The following TNFAIP8 variants were observed in gnomAD, a reference collection of about 807,000 sequenced individuals.
TNFAIP8 encodes TNF alpha induced protein 8, also known as tumor necrosis factor alpha-induced protein 8.
A neutral mutation model predicts 13.3 loss-of-function variants in TNFAIP8; 7 were observed. The ratio of observed to expected loss-of-function variants is 0.52; its 90% CI spans 0.30 to 0.99. TNFAIP8 has a LOEUF of 0.99. TNFAIP8 is among the 50% of genes least tolerant of loss of function. TNFAIP8 has a pLI of 0.07. For missense variants in TNFAIP8, 258 were observed against 236.9 expected, an observed-to-expected ratio of 1.09 and a Z score of -0.58; for synonymous variants, 94 against 87.6, an observed-to-expected ratio of 1.07 and a Z score of -0.41.
chr5:119,286,244 C>T (rs1748773061), intron 1 of TNFAIP8, among the ~76,000 whole-genome samples: 1 of 152,114 alleles, frequency 6.6e-6, no homozygotes, highest in Non-Finnish European at 1.5e-5. Context: ...ACTTCCCCAG[C>T]CTTTACTATC....
chr5:119,281,239 T>C (rs1451827870), intron 1 of TNFAIP8, among the ~76,000 whole-genome samples: 1 of 141,438 alleles, frequency 7.1e-6, no homozygotes, highest in African/African-American at 2.5e-5. Flanking sequence ...CTGGAATGGT[T>C]AGTATTTATA....
chr5:119,387,772 C>A (rs1160530091), intron 1 of TNFAIP8, among the ~76,000 whole-genome samples: 1 of 152,130 alleles, frequency 6.6e-6, no homozygotes, highest in Admixed American at 6.5e-5. Context: ...GGAGGAGATA[C>A]AGAGACAGAG....
chr5:119,304,338 A>T (rs900586622), intron 1 of TNFAIP8, among the ~76,000 whole-genome samples: 15 of 152,132 alleles, frequency 9.9e-5, no homozygotes, highest in Admixed American at 9.8e-4. Context: ...CTCCTTCACC[A>T]AACATATTAA....
At chr5:119,389,412 G>T (rs201842417) in intron 1 of TNFAIP8, among the ~76,000 whole-genome samples, 1 of 56,170 alleles carries the variant, frequency 1.8e-5, no homozygotes, top group Non-Finnish European at 4.1e-5. Flanking sequence ...AGATCACACA[G>T]GGGTGAGGAT....
rs1282448607 is a variant in TNFAIP8 at position 119,396,357 on chromosome 5, TG to T, written c.*2981del. On this transcript the variant is annotated 3_prime_UTR_variant, in exon 2 of 2. Coordinates refer to ENST00000504771, the MANE Select transcript of TNFAIP8 (RefSeq NM_014350.4). ...AAAGTTTTCAACATGACTCCTACTT[TG>T]GGGGCATCTTGTGGCTCAGTTTTCT... The T allele has an allele frequency of 1.3e-5, 2 of 152,226 alleles. No homozygotes were observed. Among genetic ancestry groups the T allele is most frequent in the African/African-American group, 4.8e-5 (2 of 41,454 alleles). The allele number at this position is 152,226 out of a possible 1,614,324, so 9.4% of individuals were successfully genotyped here.
chr5:119,304,528 A>G (rs568230672), intron 1 of TNFAIP8, among the ~76,000 whole-genome samples: 20 of 152,158 alleles, frequency 1.3e-4, no homozygotes, highest in Non-Finnish European at 2.4e-4. Flanking sequence ...CCCTGATACC[A>G]TGCACACACC....
Position 119,392,939 on chromosome 5 carries a change from A to T in TNFAIP8, c.155A>T (p.Asp52Val). 1 of 1,609,308 alleles carries T rather than the reference A, an allele frequency of 6.2e-7. No homozygotes were observed. Among genetic ancestry groups the T allele is most frequent in the Non-Finnish European group, 8.5e-7 (1 of 1,177,800 alleles). The part of the protein sequence containing the change: ...LIDDTSSEVL[D>V]ELYRVTREYT... ...GACGACACAAGTAGTGAGGTGCTGG[A>T]TGAGCTCTACAGAGTGACCAGGGAG... Residue 52 changes from aspartate (D) to valine (V), a missense_variant, in exon 2 of 2, where the codon GAT becomes GTT. Physicochemically the swap from Asp to Val is radical, Grantham distance 152 (BLOSUM62 -3). Coordinates refer to ENST00000504771, the MANE Select transcript of TNFAIP8 (RefSeq NM_014350.4).
intron 1 of TNFAIP8, among the ~76,000 whole-genome samples, chr5:119,322,088 T>C (rs1000746870): frequency 2.6e-5 from 4 of 152,122 alleles, no homozygotes; most frequent in Non-Finnish European, 4.4e-5. Flanking sequence ...CTCTCTAATT[T>C]TTCTCAGGTT....
At position 119,393,218 on chromosome 5, in the gene TNFAIP8, G is replaced by T; in HGVS notation, c.434G>T (p.Arg145Leu). 1 of 1,613,972 alleles carries T rather than the reference G, an allele frequency of 6.2e-7. No homozygotes were observed. The highest frequency in any genetic ancestry group is 8.5e-7 in the Non-Finnish European group (1 of 1,179,876). Reference sequence around the variant, plus strand: ...GAGATGCTGCACCAAATCATTCAGCGCCACCTCACTGCCAAGTCACATGGA... The same window carrying T: ...GAGATGCTGCACCAAATCATTCAGCTCCACCTCACTGCCAAGTCACATGGA... Reference protein sequence around the residue: ...CREMLHQIIQRHLTAKSHGRV... With the variant: ...CREMLHQIIQLHLTAKSHGRV... Residue 145 changes from arginine (R) to leucine (L), a missense_variant, in exon 2 of 2, where the codon CGC becomes CTC. Transcript: ENST00000504771.
rs773488272 is a variant in TNFAIP8, at chr5:119,393,134, A to G, written c.350A>G (p.His117Arg). Residue 117 changes from histidine to arginine, a missense_variant, in exon 2 of 2, where the codon CAT becomes CGT. By Grantham distance (29) the His-to-Arg change is conservative. Coordinates refer to ENST00000504771, the MANE Select transcript of TNFAIP8 (RefSeq NM_014350.4). The stretch of plus-strand genomic sequence containing the variant: ...CTTGCTATGACCGTGGTCAGTTTCC[A>G]TCAGGTGGATTATACCTTTGACCGG... ...HQLAMTVVSF[H>R]QVDYTFDRNV... is the part of the protein sequence containing the mutation. The G allele has an allele frequency of 9.3e-6, 15 of 1,613,920 alleles. No homozygotes were observed. The highest frequency in any genetic ancestry group is 8.3e-5 in the Admixed American group (5 of 60,002).
At chr5:119,383,325 C>T (rs1015464724) in intron 1 of TNFAIP8, among the ~76,000 whole-genome samples, 1 of 152,184 alleles carries the variant, frequency 6.6e-6, no homozygotes, top group African/African-American at 2.4e-5. Flanking sequence ...GGTGTAATTA[C>T]TAACAGCACT....
intron 1 of TNFAIP8, among the ~76,000 whole-genome samples, chr5:119,273,488 GAA>G (rs1295961122): frequency 6.6e-6 from 1 of 152,192 alleles, no homozygotes; most frequent in Non-Finnish European, 1.5e-5. Flanking sequence ...TTATATAAGG[GAA>G]ATGTCACCGC....
At chr5:119,356,912 G>A (rs74771315) in intron 1 of TNFAIP8, among the ~76,000 whole-genome samples, 2 of 152,086 alleles carry the variant, frequency 1.3e-5, no homozygotes, top group East Asian at 3.9e-4. Flanking sequence ...GTGGGGGGTG[G>A]GAGTAAGGGT....
At chr5:119,386,310 A>G (rs1752670337) in intron 1 of TNFAIP8, among the ~76,000 whole-genome samples, 1 of 152,232 alleles carries the variant, frequency 6.6e-6, no homozygotes, top group Admixed American at 6.5e-5. Context: ...GGAGGATCTT[A>G]AGAGCAGTCA....
chr5:119,295,073 T>C (rs1284394898), intron 1 of TNFAIP8, among the ~76,000 whole-genome samples: 2 of 152,006 alleles, frequency 1.3e-5, no homozygotes, highest in African/African-American at 4.8e-5. Context: ...ATTTTGAATT[T>C]TGTTGCCATT....
intron 1 of TNFAIP8, chr5:119,306,318 C>CTTTCTTTTTTT (rs1561993322): frequency 1.6e-5 from 2 of 121,758 alleles, no homozygotes; most frequent in Admixed American, 7.6e-5. Context: ...TTCTTTCTTT[C>CTTTCTTTTTTT]TTTTTCTTTT....
intron 1 of TNFAIP8, among the ~76,000 whole-genome samples, chr5:119,314,799 T>C (rs1369419506): frequency 6.6e-6 from 1 of 152,214 alleles, no homozygotes; most frequent in Non-Finnish European, 1.5e-5. Context: ...TAGGACCTGC[T>C]TTTCAGTGCT....
intron 1 of TNFAIP8, among the ~76,000 whole-genome samples, chr5:119,300,865 A>G (rs1028732356): frequency 6.6e-6 from 1 of 152,216 alleles, no homozygotes; most frequent in Non-Finnish European, 1.5e-5. Flanking sequence ...TATGTGAGGT[A>G]GGTGAGAAAG....
intron 1 of TNFAIP8, among the ~76,000 whole-genome samples, chr5:119,298,073 G>A (rs10076125): frequency 0.76 from 113,967 of 149,330 alleles, 45,048 homozygotes; most frequent in East Asian, 0.95. Flanking sequence ...TTGCCAGTCT[G>A]TGTCTTTTAA....
Sources: gnomAD v4.1 joint callset for allele counts (sites outside exome capture counted in the v4.1 genomes callset) on GRCh38, gnomAD v4.1.1 for gene constraint, MANE v1.5 for transcripts, NCBI Gene and HGNC (gene_info 2026-07-23, HGNC 2026-07-21) for gene names.